Variants in PCDHGB5 observed in about 807,000 individuals in gnomAD.
PCDHGB5 encodes the protein protocadherin gamma subfamily B, 5.
PCDHGB5 carries 48 observed loss-of-function variants against 62.9 expected under a neutral mutation model. That is an observed-to-expected ratio of 0.76 (90% CI 0.61 to 0.97). The LOEUF (loss-of-function observed/expected upper bound fraction) is 0.97. PCDHGB5 is among the 50% of genes least tolerant of loss of function. PCDHGB5 has a pLI of 0.00. For synonymous variants in PCDHGB5, 474 were observed against 511.2 expected (o/e 0.93, Z 0.98); for missense variants, 1,118 against 1,198.6 (o/e 0.93, Z 0.99).
At chr5:141,453,451 T>C (rs1052905667) in intron 1 of PCDHGB5, among the ~76,000 whole-genome samples, 1 of 152,096 alleles carries the variant, frequency 6.6e-6, no homozygotes, top group Non-Finnish European at 1.5e-5. Flanking sequence ...TTTTTGAATA[T>C]GTAAAACATT....
chr5:141,451,069 C>G (rs2098705799), intron 1 of PCDHGB5, among the ~76,000 whole-genome samples: 1 of 151,836 alleles, frequency 6.6e-6, no homozygotes, highest in Non-Finnish European at 1.5e-5. Flanking sequence ...ACCTTGTGAT[C>G]CACCCACCTT....
At chr5:141,408,342 TG>T in intron 1 of PCDHGB5, 1 of 1,613,856 alleles carries the variant, frequency 6.2e-7, no homozygotes, top group Non-Finnish European at 8.5e-7. Context: ...GGCTCGGTGG[TG>T]GGGAACCTCG....
At chr5:141,467,491 A>T (rs2154569531) in intron 1 of PCDHGB5, among the ~76,000 whole-genome samples, 1 of 152,224 alleles carries the variant, frequency 6.6e-6, no homozygotes, top group Admixed American at 6.5e-5. Flanking sequence ...CCACATTTAG[A>T]TCCCTGATCT....
intron 1 of PCDHGB5, among the ~76,000 whole-genome samples, chr5:141,438,935 G>A (rs1306603362): frequency 6.6e-6 from 1 of 151,810 alleles, no homozygotes; most frequent in African/African-American, 2.4e-5. Context: ...CAAAGTGCTG[G>A]GATTATAGGC....
intron 1 of PCDHGB5, chr5:141,418,398 T>C (rs754177868): frequency 6.2e-7 from 1 of 1,613,842 alleles, no homozygotes; most frequent in South Asian, 1.1e-5. Flanking sequence ...TATTTCTCAT[T>C]GGTGGAGAAA....
At position 141,409,535 on chromosome 5, in the gene PCDHGB5, A is replaced by G. The variant is rs745624722; in HGVS notation, c.2397+9011A>G. 5 of 1,613,894 alleles carry G rather than the reference A, an allele frequency of 3.1e-6. No homozygotes were observed. The African/African-American group carries it at 4.0e-5, about 13-fold the overall frequency. ...AAGCATCACCTTGTATGTCGCTGAC[A>G]TCAACGACAACGCCCCAGTTTTCGA... On this transcript the variant is annotated intron_variant, in intron 1 of 3. Coordinates refer to ENST00000617380, the MANE Select transcript of PCDHGB5 (RefSeq NM_018925.3).
In PCDHGB5 at chr5:141,485,089, G is replaced by C; in HGVS notation, c.2398-9718G>C. 9.7e-7 allele frequency: 1 copy of C among 1,027,236 alleles called. No individual in the cohort carries two copies. The highest frequency in any genetic ancestry group is 1.5e-6 in the Non-Finnish European group (1 of 674,564). The allele number at this position is 1,027,236 out of a possible 1,614,324, so 63.6% of individuals were successfully genotyped here. On this transcript the variant is annotated intron_variant, in intron 1 of 3. Coordinates refer to ENST00000617380, the MANE Select transcript of PCDHGB5 (RefSeq NM_018925.3). This position sits in a 1 kb window ranked among gnomAD's most constrained non-coding sequence, Gnocchi z 5.7. ...GAGCTGGCGCGGGGAAAGGGAGATA[G>C]GTGTCTCCAGCTGCTGTGGCTGTTT... is the stretch of plus-strand genomic sequence containing the variant.
At chr5:141,439,190 CAA>C (rs200519543) in intron 1 of PCDHGB5, among the ~76,000 whole-genome samples, 3 of 111,702 alleles carry the variant, frequency 2.7e-5, no homozygotes, top group Non-Finnish European at 4.0e-5. Flanking sequence ...GAGACTCTGA[CAA>C]AAAAAAAAAA....
Position 141,405,054 on chromosome 5 carries a change from C to G in PCDHGB5, c.2397+4530C>G, listed in dbSNP as rs773491411. ...CTCGTTGTGGCTGTGGCAGTCGTCT[C>G]CTGTGTCTTCCTCACCTTCGTTATC... On this transcript the variant is annotated intron_variant, in intron 1 of 3. Transcript: ENST00000617380. The G allele has an allele frequency of 2.3e-5, 37 of 1,613,806 alleles. 1 individual carries two copies. The South Asian group carries it at 4.1e-4, about 18-fold the overall frequency.
intron 1 of PCDHGB5, among the ~76,000 whole-genome samples, chr5:141,437,526 G>A (rs1199002765): frequency 1.3e-5 from 2 of 152,160 alleles, no homozygotes; most frequent in East Asian, 3.8e-4. Context: ...GATGACAAAT[G>A]AGCAAATTGT....
At chr5:141,415,157 C>T in intron 1 of PCDHGB5, 1 of 1,613,864 alleles carries the variant, frequency 6.2e-7, no homozygotes, top group Non-Finnish European at 8.5e-7. Flanking sequence ...CTCTCCGCCA[C>T]TGTCACGCTC....
intron 1 of PCDHGB5, chr5:141,468,629 G>A (rs1170355107): frequency 1.3e-5 from 2 of 152,140 alleles, no homozygotes; most frequent in African/African-American, 4.8e-5. Flanking sequence ...CACTTTGGGA[G>A]GCCGAGGTGG....
At chr5:141,422,458 C>T (rs375149811) in intron 1 of PCDHGB5, 264 of 1,613,148 alleles carry the variant, frequency 1.6e-4, no homozygotes, top group Non-Finnish European at 2.1e-4. Context: ...AAGCAGAGTG[C>T]TGGACAGGGA....
At chr5:141,434,920 A>G (rs927245955) in intron 1 of PCDHGB5, among the ~76,000 whole-genome samples, 3 of 151,796 alleles carry the variant, frequency 2.0e-5, no homozygotes, top group East Asian at 1.9e-4. Flanking sequence ...ATTTATGTAC[A>G]TATATTTTAT....
At chr5:141,505,767 AGGTCCTAGCTCT>A (rs2099848180) in intron 3 of PCDHGB5, among the ~76,000 whole-genome samples, 1 of 151,756 alleles carries the variant, frequency 6.6e-6, no homozygotes, top group Non-Finnish European at 1.5e-5. Context: ...AGTGTAGCTC[AGGTCCTAGCTCT>A]GCTACTATCC....
Position 141,400,079 on chromosome 5 carries a change from C to G in PCDHGB5, c.1952C>G (p.Ser651Cys), listed in dbSNP as rs1377742612. The change falls in exon 1 of 4, where the codon TCC becomes TGC. Residue 651 changes from serine (S) to cysteine (C), a missense_variant. Physicochemically the swap from Ser to Cys is moderately radical, Grantham distance 112 (BLOSUM62 -1). This residue lies in a region of PCDHGB5 where 1,034 missense variants were observed against 1,029.1 expected (regional missense o/e 1.00). Coordinates refer to ENST00000617380, the MANE Select transcript of PCDHGB5 (RefSeq NM_018925.3). ...CGTGATGGTGGACAGCCGCCACTCT[C>G]CGCCACCGCCACGCTGCACTTGGTC... ...AVRDGGQPPL[S>C]ATATLHLVFA... 2.5e-6 allele frequency: 4 copies of G among 1,613,924 alleles called. No individual in the cohort carries two copies. In the East Asian group the frequency reaches 6.7e-5, roughly 27 times the overall value.
intron 1 of PCDHGB5, chr5:141,417,635 G>C (rs1195744332): frequency 1.4e-6 from 1 of 724,902 alleles, no homozygotes; most frequent in Non-Finnish European, 2.1e-6. Flanking sequence ...CTGACGCCGG[G>C]GATCCCTCAG....
chr5:141,476,157 G>A lies in PCDHGB5; in HGVS notation c.2398-18650G>A. On this transcript the variant is annotated intron_variant, in intron 1 of 3. Transcript: ENST00000617380. The surrounding 1 kb of genome is among the most constrained non-coding windows in gnomAD (Gnocchi z 7.6). ...TGGAGGAGCGGACTGGTAAGCACCG[G>A]GAGGGTAGTGGGAGTTTTGCTTCTG... 1 of 1,612,752 alleles carries A rather than the reference G, an allele frequency of 6.2e-7. No homozygotes were observed. Among genetic ancestry groups the A allele is most frequent in the Non-Finnish European group, 8.5e-7 (1 of 1,179,898 alleles).
At chr5:141,500,188 ATT>A (rs2099797463) in intron 2 of PCDHGB5, among the ~76,000 whole-genome samples, 1 of 98,146 alleles carries the variant, frequency 1.0e-5, no homozygotes, top group African/African-American at 5.1e-5. Flanking sequence ...TTTTATTTTT[ATT>A]TATTTATTTA....
Sources: gnomAD v4.1 joint callset for allele counts (sites outside exome capture counted in the v4.1 genomes callset) on GRCh38, gnomAD v4.1.1 for gene constraint, gnomAD v4.1.1 regional missense constraint, Gnocchi (gnomAD v3.1) non-coding constraint, MANE v1.5 for transcripts, NCBI Gene and HGNC (gene_info 2026-07-23, HGNC 2026-07-21) for gene names.